NBAS: variants seen among roughly 807,000 people sequenced by gnomAD.
NBAS encodes NBAS subunit of NRZ tethering complex.
A neutral mutation model predicts 302.5 loss-of-function variants in NBAS; 219 were observed. That is an observed-to-expected ratio of 0.72 (90% CI 0.65 to 0.81). The LOEUF (loss-of-function observed/expected upper bound fraction) is 0.81. Among genes scored for constraint, NBAS ranks in the 30% least tolerant of loss-of-function variants. NBAS has a pLI of 0.00. For synonymous variants in NBAS, 1,118 were observed against 1,021.6 expected (o/e 1.09, Z -1.80); for missense variants, 2,932 against 2,841.6 (o/e 1.03, Z -0.72).
chr2:15,516,751 A>AGAAGTTATT (rs147484524), intron 9 of NBAS, among the ~76,000 whole-genome samples: 2,903 of 151,518 alleles, frequency 0.019, 67 homozygotes, highest in East Asian at 0.055. Context: ...AAAGACTGGG[A>AGAAGTTATT]GAAGTTATTT....
At chr2:15,413,336 G>A (rs1676772368) in intron 25 of NBAS, among the ~76,000 whole-genome samples, 1 of 152,090 alleles carries the variant, frequency 6.6e-6, no homozygotes, top group Admixed American at 6.6e-5. Context: ...GTAATAAGGA[G>A]ATAAATAAGA....
intron 38 of NBAS, among the ~76,000 whole-genome samples, chr2:15,320,836 T>A (rs1379890122): frequency 6.6e-6 from 1 of 152,184 alleles, no homozygotes; most frequent in African/African-American, 2.4e-5. Context: ...AATTTATAGA[T>A]TCAATGCCAT....
chr2:14,898,434 A>G, the NBAS span, among the ~76,000 whole-genome samples: 7 of 152,192 alleles, frequency 4.6e-5, no homozygotes, highest in East Asian at 1.4e-3. Flanking sequence ...GGAGAGAGAA[A>G]GAGAGGGTTT....
chr2:15,458,781 A>T (rs1166719495), intron 21 of NBAS, among the ~76,000 whole-genome samples: 1 of 152,172 alleles, frequency 6.6e-6, no homozygotes. Flanking sequence ...CATTCTCACT[A>T]TTTACAACTA....
the NBAS span, among the ~76,000 whole-genome samples, chr2:15,085,244 G>C: frequency 2.0e-5 from 3 of 152,154 alleles, no homozygotes; most frequent in Non-Finnish European, 4.4e-5. Context: ...GTGCAAGTGA[G>C]AGCGGCACCC....
chr2:15,256,040 C>A (rs1047323861), intron 44 of NBAS, among the ~76,000 whole-genome samples: 1 of 151,998 alleles, frequency 6.6e-6, no homozygotes, highest in South Asian at 2.1e-4. Context: ...TATGAAGACT[C>A]TTTTTGGGTT....
the NBAS span, among the ~76,000 whole-genome samples, chr2:15,069,427 T>C: frequency 6.6e-6 from 1 of 152,164 alleles, no homozygotes; most frequent in African/African-American, 2.4e-5. Context: ...TTGAAATGAT[T>C]ACCTTCCAAG....
At chr2:15,102,977 G>GGAAGGAAGGAAGGA in the NBAS span, among the ~76,000 whole-genome samples, 1 of 95,434 alleles carries the variant, frequency 1.0e-5, no homozygotes, top group South Asian at 4.3e-4. Context: ...AGGCATTAAG[G>GGAAGGAAGGAAGGA]AGGAAGGAAG....
intron 42 of NBAS, among the ~76,000 whole-genome samples, chr2:15,285,359 T>G (rs1669991207): frequency 6.6e-6 from 1 of 152,170 alleles, no homozygotes; most frequent in Non-Finnish European, 1.5e-5. Flanking sequence ...AGATTCCTGT[T>G]TCCCCTCTTA....
intron 30 of NBAS, among the ~76,000 whole-genome samples, chr2:15,378,867 T>C (rs1363157623): frequency 6.6e-6 from 1 of 152,224 alleles, no homozygotes; most frequent in African/African-American, 2.4e-5. Context: ...ATAATCTTTT[T>C]TAAGCTTTTA....
the NBAS span, among the ~76,000 whole-genome samples, chr2:14,785,757 T>A: frequency 6.6e-6 from 1 of 152,248 alleles, no homozygotes; most frequent in Admixed American, 6.5e-5. Context: ...TCAATGTTCA[T>A]CAAGGATATT....
At position 15,229,347 on chromosome 2, in the gene NBAS, CAAAAAAAAAAAA is replaced by C. The variant is rs61152926; in HGVS notation, c.6236+3063_6236+3074del. On this transcript the variant is annotated intron_variant, in intron 47 of 51. Transcript: ENST00000281513. Reference sequence around the variant, plus strand: ...CACTGCAAGACTCTGTCTCAAAAAACAAAAAAAAAAAAAAAAAAAAAAAAAAAGAACATTACA... The same window carrying C: ...CACTGCAAGACTCTGTCTCAAAAAACAAAAAAAAAAAAAAAGAACATTACA... 4.5e-3 allele frequency among the ~76,000 whole-genome samples: 348 copies of C among 76,956 alleles called. 3 individuals carry two copies. The highest frequency in any genetic ancestry group is 0.014 in the African/African-American group (323 of 22,906). The allele number at this position is 76,956 out of a possible 152,430, so 50.5% of individuals were successfully genotyped here.
chr2:15,032,125 A>C, the NBAS span, among the ~76,000 whole-genome samples: 107,377 of 152,102 alleles, frequency 0.71, 38,480 homozygotes, highest in East Asian at 0.89. Context: ...CTCAGTCATT[A>C]CTCTTCTCCT....
At chr2:15,478,124 T>C (rs1680267988) in intron 13 of NBAS, 102 bp downstream of exon 13, 4 of 820,194 alleles carry the variant, frequency 4.9e-6, no homozygotes, top group African/African-American at 1.7e-5. Context: ...TCTTCCAAAG[T>C]GCAGCAAAAG....
intron 6 of NBAS, among the ~76,000 whole-genome samples, chr2:15,547,977 T>C (rs990664770): frequency 3.9e-5 from 6 of 152,212 alleles, no homozygotes; most frequent in Admixed American, 2.6e-4. Flanking sequence ...GCTATGTGTA[T>C]ACATGTATAC....
chr2:15,070,708 G>A, the NBAS span, among the ~76,000 whole-genome samples: 1 of 152,106 alleles, frequency 6.6e-6, no homozygotes, highest in African/African-American at 2.4e-5. Context: ...GTGTGCACTT[G>A]TCCTCAGGAC....
Position 15,174,176 on chromosome 2 carries a change from G to C in NBAS, c.6840+4812C>G, listed in dbSNP as rs192958832. Among the ~76,000 whole-genome samples, 1,256 of 152,340 alleles carry C rather than the reference G, an allele frequency of 8.2e-3. 40 individuals are homozygous for C. The highest frequency in any genetic ancestry group is 0.058 in the Admixed American group (895 of 15,300). On this transcript the variant is annotated intron_variant, in intron 51 of 51. Transcript: ENST00000281513. ...CCCACAACTTTGAAACCTGGACAGA[G>C]TTAAAGGGGACCAAAGACAGGAAGG...
the NBAS span, among the ~76,000 whole-genome samples, chr2:14,990,389 A>G: frequency 6.6e-6 from 1 of 151,816 alleles, no homozygotes; most frequent in Non-Finnish European, 1.5e-5. Flanking sequence ...ATGCCACTGC[A>G]CTCCAGCCTG....
At chr2:14,943,041 A>C in the NBAS span, among the ~76,000 whole-genome samples, 1 of 152,222 alleles carries the variant, frequency 6.6e-6, no homozygotes, top group African/African-American at 2.4e-5. Context: ...GCTAATGAAC[A>C]GCATGTTCTC....
Sources: allele counts gnomAD v4.1 joint callset (sites outside exome capture counted in the v4.1 genomes callset), GRCh38; gene constraint gnomAD v4.1.1; transcripts MANE v1.5; gene names NCBI Gene and HGNC (gene_info 2026-07-23, HGNC 2026-07-21).